Variants in GALNT13 observed in about 807,000 individuals in gnomAD.
GALNT13 encodes the protein polypeptide N-acetylgalactosaminyltransferase 13.
GALNT13 carries 28 observed loss-of-function variants against 64.2 expected under a neutral mutation model. The ratio of observed to expected loss-of-function variants is 0.44; its 90% CI spans 0.32 to 0.60. GALNT13 has a LOEUF of 0.60. GALNT13 is among the 20% of genes least tolerant of loss of function. The probability of loss-of-function intolerance (pLI) is 0.05; values close to 1 mark genes in which losing one functional copy is unlikely to be tolerated. For missense variants in GALNT13, 577 were observed against 669.8 expected, an observed-to-expected ratio of 0.86 and a Z score of 1.53; for synonymous variants, 214 against 224.6, an observed-to-expected ratio of 0.95 and a Z score of 0.42.
the GALNT13 span, among the ~76,000 whole-genome samples, chr2:153,169,595 C>A: frequency 6.6e-5 from 10 of 152,228 alleles, no homozygotes; most frequent in Non-Finnish European, 1.5e-5. Context: ...AGCTCACTGA[C>A]CACTGAAAAC....
chr2:154,130,333 C>G (rs539112458), intron 3 of GALNT13, among the ~76,000 whole-genome samples: 98 of 152,184 alleles, frequency 6.4e-4, no homozygotes, highest in Non-Finnish European at 1.1e-3. Context: ...GGTCAGCAAC[C>G]CGAAGCAGAG....
chr2:153,128,250 T>C, the GALNT13 span, among the ~76,000 whole-genome samples: 3 of 152,274 alleles, frequency 2.0e-5, no homozygotes, highest in Admixed American at 2.0e-4. Context: ...AGAAAGAGGT[T>C]TAATGGACTT....
At chr2:153,932,584 T>C (rs974616501) in intron 2 of GALNT13, among the ~76,000 whole-genome samples, 8 of 151,688 alleles carry the variant, frequency 5.3e-5, no homozygotes, top group African/African-American at 1.9e-4. Context: ...TGTATGTTTT[T>C]GACAGATCTT....
chr2:153,724,510 G>C, the GALNT13 span, among the ~76,000 whole-genome samples: 34 of 104,406 alleles, frequency 3.3e-4, no homozygotes, highest in Admixed American at 3.0e-3. Context: ...CCATCAGAGT[G>C]AACAGGCAAC....
chr2:153,807,439 A>G, the GALNT13 span, among the ~76,000 whole-genome samples: 3 of 151,872 alleles, frequency 2.0e-5, no homozygotes, highest in African/African-American at 7.2e-5. Context: ...GCCATATGAT[A>G]TTTCTTAGAA....
chr2:154,434,510 G>A (rs945853614), intron 11 of GALNT13, among the ~76,000 whole-genome samples: 1 of 152,076 alleles, frequency 6.6e-6, no homozygotes, highest in Non-Finnish European at 1.5e-5. Flanking sequence ...CCATGCGCCT[G>A]GGCCTCCCAA....
At chr2:153,534,928 G>A in the GALNT13 span, among the ~76,000 whole-genome samples, 97 of 151,404 alleles carry the variant, frequency 6.4e-4, 1 homozygote, top group Admixed American at 5.1e-3. Flanking sequence ...CGATGGCTTG[G>A]CTTGGGCTCA....
the GALNT13 span, among the ~76,000 whole-genome samples, chr2:153,247,514 C>G: frequency 2.1e-4 from 32 of 151,878 alleles, no homozygotes; most frequent in African/African-American, 6.3e-4. Flanking sequence ...CATGGAAATT[C>G]AAAGATATTT....
At chr2:153,957,865 G>A (rs756806555) in intron 3 of GALNT13, among the ~76,000 whole-genome samples, 1 of 152,158 alleles carries the variant, frequency 6.6e-6, no homozygotes, top group Non-Finnish European at 1.5e-5. Flanking sequence ...AGCAGAGCAA[G>A]TAGATTATTT....
At chr2:153,881,452 C>A (rs1355201216) in intron 1 of GALNT13, among the ~76,000 whole-genome samples, 1 of 152,062 alleles carries the variant, frequency 6.6e-6, no homozygotes, top group East Asian at 1.9e-4. Flanking sequence ...TTTTAAAAGA[C>A]TTTTATTGTT....
chr2:153,948,701 G>T (rs992762697), intron 3 of GALNT13, among the ~76,000 whole-genome samples: 15 of 152,122 alleles, frequency 9.9e-5, no homozygotes, highest in Non-Finnish European at 2.1e-4. Context: ...CATGTCCTTT[G>T]CAGGGACGTG....
chr2:153,104,743 T>A, the GALNT13 span, among the ~76,000 whole-genome samples: 1 of 152,180 alleles, frequency 6.6e-6, no homozygotes, highest in Non-Finnish European at 1.5e-5. Flanking sequence ...CTGTAACCTA[T>A]GGAAGCTTCC....
chr2:154,000,445 C>A lies in GALNT13; in HGVS notation c.142+55806C>A, dbSNP rs1444073974. On this transcript the variant is annotated intron_variant, in intron 3 of 12. Transcript: ENST00000392825. ...TCTTTTTTGATGTAGAATTATGTTG[C>A]TCTAAAATTTTCTCATAGAACTATT... 2.0e-5 allele frequency among the ~76,000 whole-genome samples: 3 copies of A among 151,840 alleles called. No individual in the cohort carries two copies. The East Asian group carries it at 5.8e-4, about 29-fold the overall frequency.
chr2:154,104,033 A>C (rs1036281188), intron 3 of GALNT13, among the ~76,000 whole-genome samples: 2 of 152,126 alleles, frequency 1.3e-5, no homozygotes, highest in Admixed American at 6.6e-5. Flanking sequence ...TGGGAAGTTC[A>C]TGGTGAGATG....
At chr2:153,241,379 C>T in the GALNT13 span, among the ~76,000 whole-genome samples, 1 of 152,190 alleles carries the variant, frequency 6.6e-6, no homozygotes, top group East Asian at 1.9e-4. Flanking sequence ...TTGTTATGTG[C>T]ATTTTGCTTT....
rs532113300 is a variant in GALNT13 at position 153,910,784 on chromosome 2, G to C, written c.-105+9777G>C. ...TCTCTTTTTTTGTGTGCTGTTGTCT[G>C]AGAGAGTAGTTGCTATGATTTCAGT... On this transcript the variant is annotated intron_variant, in intron 2 of 12. Coordinates refer to ENST00000392825, the MANE Select transcript of GALNT13 (RefSeq NM_052917.4). 1.0e-3 allele frequency among the ~76,000 whole-genome samples: 155 copies of C among 152,254 alleles called. No individual in the cohort carries two copies. In the Middle Eastern group the frequency reaches 0.01, roughly 10 times the overall value.
At chr2:153,691,306 C>T in the GALNT13 span, among the ~76,000 whole-genome samples, 3 of 151,984 alleles carry the variant, frequency 2.0e-5, no homozygotes, top group African/African-American at 7.3e-5. Flanking sequence ...TTTACCTTTG[C>T]CGGAGAGAGA....
the GALNT13 span, among the ~76,000 whole-genome samples, chr2:153,619,572 C>G: frequency 6.6e-6 from 1 of 151,982 alleles, no homozygotes; most frequent in Non-Finnish European, 1.5e-5. Context: ...TTAAAGTACC[C>G]CCTTTAGCAC....
chr2:153,337,091 A>G, the GALNT13 span, among the ~76,000 whole-genome samples: 6 of 152,258 alleles, frequency 3.9e-5, no homozygotes, highest in African/African-American at 1.2e-4. Flanking sequence ...TTTTCTTTCC[A>G]GTCTTGGGTA....
Sources: gnomAD v4.1 joint callset for allele counts (sites outside exome capture counted in the v4.1 genomes callset) on GRCh38, gnomAD v4.1.1 for gene constraint, MANE v1.5 for transcripts, NCBI Gene and HGNC (gene_info 2026-07-23, HGNC 2026-07-21) for gene names.